The following CERS1 variants were observed in gnomAD, a reference collection of about 807,000 sequenced individuals.
CERS1 encodes the protein Embryonic growth/differentiation factor 1.
Under a neutral mutation model 35.7 loss-of-function variants are expected in CERS1, and 16 were observed. The observed-to-expected ratio is 0.45, with a 90% CI of 0.30 to 0.68. CERS1 has a LOEUF of 0.68. CERS1 is among the 30% of genes least tolerant of loss of function. The pLI, the probability that CERS1 is intolerant of heterozygous loss-of-function variation, is 0.08. For missense variants in CERS1, 454 were observed against 453.9 expected (o/e 1.00, Z 0.00); for synonymous variants, 243 against 201.6 (o/e 1.21, Z -1.74).
Position 18,878,632 on chromosome 19 carries a change from GCCACTC to G in CERS1, c.1010+292_1010+297del. ...CTCACCACCCACAGGGCCCTGGCTC[GCCACTC>G]CCGCCACACCAGCCACTAGGCCTGG... is the stretch of plus-strand genomic sequence containing the variant. On this transcript the variant is annotated intron_variant, in intron 6 of 7. Transcript: ENST00000623882. The surrounding 1 kb of genome is among the most constrained non-coding windows in gnomAD (Gnocchi z 4.6). 8.3e-7 allele frequency: 1 copy of G among 1,206,320 alleles called. No homozygotes were observed. Among genetic ancestry groups the G allele is most frequent in the Non-Finnish European group, 1.0e-6 (1 of 961,012 alleles). The allele number at this position is 1,206,320 out of a possible 1,614,324, so 74.7% of individuals were successfully genotyped here.
At chr19:18,888,358 CA>C (rs909589943) in intron 2 of CERS1, among the ~76,000 whole-genome samples, 56 of 146,226 alleles carry the variant, frequency 3.8e-4, no homozygotes, top group Admixed American at 2.9e-3. Context: ...GACTCCATCT[CA>C]AAAAAAAAAT....
rs1331978412 is a variant in CERS1 at position 18,884,009 on chromosome 19, T to C, written c.590+78A>G. ...ATGTGATCCCCTCCACGGCCTCCTC[T>C]GTGCCCCGCCGCAACATCAGCCTCC... On this transcript the variant is annotated intron_variant, in intron 3 of 7. Coordinates refer to ENST00000623882, the MANE Select transcript of CERS1 (RefSeq NM_021267.5). 4 of 1,471,856 alleles carry C rather than the reference T, an allele frequency of 2.7e-6. No individual in the cohort carries two copies. In the African/African-American group the frequency reaches 5.6e-5, roughly 20 times the overall value. 91.2% of individuals were successfully genotyped at this position (1,471,856 alleles called of 1,614,324 possible).
intron 2 of CERS1, among the ~76,000 whole-genome samples, chr19:18,892,096 C>A (rs1049328963): frequency 2.0e-5 from 3 of 151,880 alleles, no homozygotes; most frequent in Non-Finnish European, 4.4e-5. Flanking sequence ...CAGGGTTTCA[C>A]CATGTTGGCC....
chr19:18,868,640 C>CG lies in CERS1; in HGVS notation c.*1344dup. 6.4e-7 allele frequency: 1 copy of CG among 1,574,384 alleles called. No homozygotes were observed. The highest frequency in any genetic ancestry group is 8.6e-7 in the Non-Finnish European group (1 of 1,160,062). Reference sequence around the variant, plus strand: ...GTCCACCACCATGTCCTCATACTGCCGCAGCACCACGTTGTCGCTGTTGTC... The same window carrying CG: ...GTCCACCACCATGTCCTCATACTGCCGGCAGCACCACGTTGTCGCTGTTGTC... On this transcript the variant is annotated 3_prime_UTR_variant, in exon 8 of 8. Coordinates refer to ENST00000623882, the MANE Select transcript of CERS1 (RefSeq NM_021267.5).
In CERS1 at chr19:18,878,378, C is replaced by G; in HGVS notation, c.1010+552G>C. On this transcript the variant is annotated intron_variant, in intron 6 of 7. Coordinates refer to ENST00000623882, the MANE Select transcript of CERS1 (RefSeq NM_021267.5). This position sits in a 1 kb window ranked among gnomAD's most constrained non-coding sequence, Gnocchi z 4.6. ...GGTGAGGCTCGTGGGCTATCTCCTT[C>G]CCCAGGACTCCCACCTGGGCTGGAC... 1.0e-6 allele frequency: 1 copy of G among 987,026 alleles called. No individual in the cohort carries two copies. Among genetic ancestry groups the G allele is most frequent in the African/African-American group, 1.7e-5 (1 of 57,294 alleles). The allele number at this position is 987,026 out of a possible 1,614,324, so 61.1% of individuals were successfully genotyped here.
intron 2 of CERS1, 66 bp from the exon 3 acceptor site, chr19:18,884,333 G>A (rs1015122936): frequency 2.6e-5 from 38 of 1,474,902 alleles, no homozygotes; most frequent in South Asian, 5.0e-5. Flanking sequence ...TCCATGACCC[G>A]GTGACACCCT....
chr19:18,868,887 G>C lies in CERS1; in HGVS notation c.*1098C>G. 1 of 1,429,900 alleles carries C rather than the reference G, an allele frequency of 7.0e-7. No individual in the cohort carries two copies. The highest frequency in any genetic ancestry group is 9.2e-7 in the Non-Finnish European group (1 of 1,084,120). The allele number at this position is 1,429,900 out of a possible 1,614,324, so 88.6% of individuals were successfully genotyped here. On this transcript the variant is annotated 3_prime_UTR_variant, in exon 8 of 8. Transcript: ENST00000623882. ...ACCCAGCGGTGCCAGCCCACCTCGC[G>C]GAAGCTCACGTACAGCCGCCGCGCG...
In CERS1 at chr19:18,878,929, C is replaced by T. The variant is rs2056119729; in HGVS notation, c.1010+1G>A. 2 of 1,613,602 alleles carry T rather than the reference C, an allele frequency of 1.2e-6. No homozygotes were observed. The highest frequency in any genetic ancestry group is 1.7e-5 in the Admixed American group (1 of 59,996). On this transcript the variant is annotated splice_donor_variant, in intron 6 of 7. Transcript: ENST00000623882. LOFTEE classifies it high-confidence loss of function. This position sits in a 1 kb window ranked among gnomAD's most constrained non-coding sequence, Gnocchi z 4.6. The stretch of plus-strand genomic sequence containing the variant: ...CGGGGTGCGGGCCCCTCCACACTCA[C>T]TCGGCTTTGCTGGGCTTCAGGCTCT...
rs748401700 is a variant in CERS1 at position 18,878,808 on chromosome 19, C to T, written c.1010+122G>A. 1.9e-5 allele frequency: 28 copies of T among 1,488,244 alleles called. No homozygotes were observed. Among genetic ancestry groups the T allele is most frequent in the Non-Finnish European group, 2.4e-5 (27 of 1,119,568 alleles). 92.2% of individuals were successfully genotyped at this position (1,488,244 alleles called of 1,614,324 possible). On this transcript the variant is annotated intron_variant, in intron 6 of 7. Transcript: ENST00000623882. This position sits in a 1 kb window ranked among gnomAD's most constrained non-coding sequence, Gnocchi z 4.6. ...ATTGCAGTCTCTGTTTTGGAGTAGG[C>T]TTGGGGGGCAGCATCCGCGTCGGCC... is the stretch of plus-strand genomic sequence containing the variant.
At chr19:18,886,479 G>A (rs1414936709) in intron 2 of CERS1, among the ~76,000 whole-genome samples, 2 of 152,074 alleles carry the variant, frequency 1.3e-5, no homozygotes, top group Non-Finnish European at 2.9e-5. Context: ...AGTCCTGAAG[G>A]GAGGCAGAGG....
Position 18,868,866 on chromosome 19 carries a change from A to AGCGGTGCCAGC in CERS1, c.*1108_*1118dup. 1 of 1,440,666 alleles carries AGCGGTGCCAGC rather than the reference A, an allele frequency of 6.9e-7. No individual in the cohort carries two copies. The allele number at this position is 1,440,666 out of a possible 1,614,324, so 89.2% of individuals were successfully genotyped here. On this transcript the variant is annotated 3_prime_UTR_variant, in exon 8 of 8. Coordinates refer to ENST00000623882, the MANE Select transcript of CERS1 (RefSeq NM_021267.5). The stretch of plus-strand genomic sequence containing the variant: ...AGGAAGCCGCGCGGCGCGATGACCC[A>AGCGGTGCCAGC]GCGGTGCCAGCCCACCTCGCGGAAG...
At chr19:18,889,156 T>A (rs528949794) in intron 2 of CERS1, among the ~76,000 whole-genome samples, 1 of 152,072 alleles carries the variant, frequency 6.6e-6, no homozygotes, top group African/African-American at 2.4e-5. Flanking sequence ...CCTCCCAAAA[T>A]GCTAGGATTA....
At chr19:18,891,487 G>A (rs773200191) in intron 2 of CERS1, among the ~76,000 whole-genome samples, 2 of 152,152 alleles carry the variant, frequency 1.3e-5, no homozygotes, top group Non-Finnish European at 2.9e-5. Flanking sequence ...CACACAGAGC[G>A]CGCTGCAGTC....
rs2056107957 is a variant in CERS1 at position 18,878,520 on chromosome 19, G to A, written c.1010+410C>T. ...GCCTGGGTTCTCTCTGTGGCCCTTG[G>A]CGTTCCTTCCTCCCCAGCCCCACTG... On this transcript the variant is annotated intron_variant, in intron 6 of 7. Transcript: ENST00000623882. This position sits in a 1 kb window ranked among gnomAD's most constrained non-coding sequence, Gnocchi z 4.6. 2 of 1,017,352 alleles carry A rather than the reference G, an allele frequency of 2.0e-6. No homozygotes were observed. Among genetic ancestry groups the A allele is most frequent in the South Asian group, 7.6e-5 (2 of 26,180 alleles). The allele number at this position is 1,017,352 out of a possible 1,614,324, so 63.0% of individuals were successfully genotyped here.
At chr19:18,873,386 G>A (rs532606066) in intron 6 of CERS1, among the ~76,000 whole-genome samples, 3 of 152,080 alleles carry the variant, frequency 2.0e-5, no homozygotes, top group African/African-American at 4.8e-5. Flanking sequence ...AGACAGAGCA[G>A]GAGTGCAGAG....
intron 6 of CERS1, among the ~76,000 whole-genome samples, chr19:18,871,852 C>A (rs1231472937): frequency 6.6e-6 from 1 of 152,172 alleles, no homozygotes; most frequent in African/African-American, 2.4e-5. Context: ...CTTCATCCAC[C>A]CTTGTGGCTT....
At chr19:18,876,217 T>C (rs1248544006) in intron 6 of CERS1, among the ~76,000 whole-genome samples, 5 of 152,182 alleles carry the variant, frequency 3.3e-5, no homozygotes, top group African/African-American at 1.2e-4. Context: ...AACTCCTGAC[T>C]TCAAGTGATC....
rs1356538468 is a variant in CERS1 at position 18,880,347 on chromosome 19, A to T, written c.679T>A (p.Ser227Thr). 1 of 1,563,354 alleles carries T rather than the reference A, an allele frequency of 6.4e-7. No homozygotes were observed. Among genetic ancestry groups the T allele is most frequent in the African/African-American group, 1.4e-5 (1 of 73,576 alleles). The change falls in exon 4 of 8, where the codon TCC (serine) becomes ACC (threonine). Residue 227 changes from serine to threonine, a missense_variant. Transcript: ENST00000623882. ...AGCCGATGGTAGGAGCCGCCGCGGG[A>T]CTTGAAGTAAATGTTGAGCTTGGTG... ...EFTKLNIYFKSRGGSYHRLHA... is the reference protein window; with the variant it reads ...EFTKLNIYFKTRGGSYHRLHA...
intron 2 of CERS1, among the ~76,000 whole-genome samples, chr19:18,885,695 T>C (rs1324863484): frequency 2.0e-5 from 3 of 151,280 alleles, no homozygotes; most frequent in South Asian, 2.1e-4. Flanking sequence ...AATTTTTTTT[T>C]TTTTCAGTAG....
Sources: gnomAD v4.1 joint callset for allele counts (sites outside exome capture counted in the v4.1 genomes callset) on GRCh38, gnomAD v4.1.1 for gene constraint, Gnocchi (gnomAD v3.1) non-coding constraint, MANE v1.5 for transcripts, NCBI Gene and HGNC (gene_info 2026-07-23, HGNC 2026-07-21) for gene names.